The following SCAP variants were observed in gnomAD, a reference collection of about 807,000 sequenced individuals.
SCAP encodes sterol regulatory element-binding protein cleavage-activating protein.
SCAP carries 65 observed loss-of-function variants against 123.6 expected under a neutral mutation model. The observed-to-expected ratio is 0.53, with a 90% CI of 0.43 to 0.65. The LOEUF (loss-of-function observed/expected upper bound fraction) is 0.65, where lower values mean the gene tolerates loss of function less well. Among genes scored for constraint, SCAP ranks in the 30% least tolerant of loss-of-function variants. The pLI is 0.00. For synonymous variants in SCAP, 740 were observed against 726.3 expected, an observed-to-expected ratio of 1.02 and a Z score of -0.30; for missense variants, 1,398 against 1,712.5, an observed-to-expected ratio of 0.82 and a Z score of 3.24.
At position 47,418,779 on chromosome 3, in the gene SCAP, C is replaced by T. The variant is rs1203610870; in HGVS notation, c.2005G>A (p.Gly669Ser). ...CTGCGGCCGTCCTGAGGGTGCCGGC[C>T]CTCCAGAGCCTCCCTCGGGTTCAGG... ...LRLNPREALEGRHPQDGRSAW... is the reference protein window; with the variant it reads ...LRLNPREALESRHPQDGRSAW... Residue 669 changes from glycine (G) to serine (S), a missense_variant, in exon 14 of 23, where the codon GGC becomes AGC. Gly to Ser is a moderately conservative substitution (Grantham distance 56). This residue lies in a region of SCAP where 828 missense variants were observed against 882.5 expected (regional missense o/e 0.94). Transcript: ENST00000265565. 2 of 1,564,374 alleles carry T rather than the reference C, an allele frequency of 1.3e-6. No homozygotes were observed. The highest frequency in any genetic ancestry group is 1.4e-5 in the African/African-American group (1 of 72,686).
At position 47,426,112 on chromosome 3, in the gene SCAP, G is replaced by A. The variant is rs1205150030; in HGVS notation, c.795C>T (p.Ser265=). 6.2e-7 allele frequency: 1 copy of A among 1,614,048 alleles called. No homozygotes were observed. The highest frequency in any genetic ancestry group is 1.6e-4 in the Middle Eastern group (1 of 6,062). The change falls in exon 7 of 23, where the codon AGC becomes AGT. Residue 265 remains serine, a synonymous_variant. Coordinates refer to ENST00000265565, the MANE Select transcript of SCAP (RefSeq NM_012235.4). The part of the protein sequence containing the change: ...LMLLHPSPNC[S]LRAESLVHVH... ...CGTGGACCAGGCTCTCCGCCCGAAG[G>A]CTGCAGTTGGGGCTGGGGTGCAGAA...
At chr3:47,426,419 C>T (rs1706131880) in intron 6 of SCAP, among the ~76,000 whole-genome samples, 1 of 152,058 alleles carries the variant, frequency 6.6e-6, no homozygotes, top group African/African-American at 2.4e-5. Context: ...CCAACACTCT[C>T]TTTTTTATTT....
intron 1 of SCAP, among the ~76,000 whole-genome samples, chr3:47,444,669 C>A (rs930418869): frequency 2.0e-5 from 3 of 151,860 alleles, no homozygotes; most frequent in African/African-American, 7.3e-5. Flanking sequence ...GAGACAGGTT[C>A]TCATTATGTT....
At chr3:47,428,764 G>A (rs1706244939) in intron 3 of SCAP, 94 bp from the exon 4 acceptor site, 7 of 1,360,910 alleles carry the variant, frequency 5.1e-6, no homozygotes, top group East Asian at 2.3e-5. Flanking sequence ...ATTGGAAACC[G>A]TGCCCCACAG....
At chr3:47,465,298 G>C (rs1347802986) in intron 1 of SCAP, among the ~76,000 whole-genome samples, 2 of 151,966 alleles carry the variant, frequency 1.3e-5, no homozygotes, top group Non-Finnish European at 2.9e-5. Flanking sequence ...AGCCTCCTGA[G>C]TAACTGGGAT....
At chr3:47,418,007 G>A in intron 16 of SCAP, 127 bp downstream of exon 16, 1 of 593,784 alleles carries the variant, frequency 1.7e-6, no homozygotes, top group East Asian at 3.2e-5. Context: ...GCGGGGGTGG[G>A]GGGAGAGGGG....
chr3:47,454,972 T>C (rs939469323), intron 1 of SCAP, among the ~76,000 whole-genome samples: 7 of 149,966 alleles, frequency 4.7e-5, no homozygotes, highest in South Asian at 2.1e-4. Context: ...AAAGAAAACA[T>C]AGGTATACAA....
Position 47,427,549 on chromosome 3 carries a change from A to G in SCAP, c.529T>C (p.Phe177Leu), listed in dbSNP as rs778262423. 9 of 1,614,066 alleles carry G rather than the reference A, an allele frequency of 5.6e-6. No individual in the cohort carries two copies. The African/African-American group carries it at 1.1e-4, about 19-fold the overall frequency. ...AAGCGTTCCCAGTCATTCTGCCAGA[A>G]GTTCCCAGGGGACAGCAGCAGGCAT... is the stretch of plus-strand genomic sequence containing the variant. ...HGCLLLSPGN[F>L]WQNDWERFHA... The change falls in exon 5 of 23, where the codon TTC becomes CTC. Residue 177 changes from phenylalanine to leucine, a missense_variant. This residue lies in a region of SCAP where 319 missense variants were observed against 432.4 expected (regional missense o/e 0.74). Coordinates refer to ENST00000265565, the MANE Select transcript of SCAP (RefSeq NM_012235.4).
chr3:47,437,944 C>T (rs535526095), intron 2 of SCAP, among the ~76,000 whole-genome samples: 7 of 152,150 alleles, frequency 4.6e-5, no homozygotes, highest in African/African-American at 1.7e-4. Flanking sequence ...TTTTCCATAG[C>T]GGTTGTACAA....
intron 14 of SCAP, 57 bp from the exon 15 acceptor site, chr3:47,418,579 C>A: frequency 6.5e-7 from 1 of 1,548,544 alleles, no homozygotes; most frequent in South Asian, 1.2e-5. Context: ...CCCTCCCCTC[C>A]TCCCTCTCCC....
At chr3:47,474,522 C>A (rs1352857233) in intron 1 of SCAP, among the ~76,000 whole-genome samples, 1 of 152,028 alleles carries the variant, frequency 6.6e-6, no homozygotes, top group South Asian at 2.1e-4. Context: ...TGGCCGGGCA[C>A]GGTGGTTCAC....
At chr3:47,469,755 C>A in intron 1 of SCAP, 1 of 460,842 alleles carries the variant, frequency 2.2e-6, no homozygotes, top group East Asian at 5.8e-5. Context: ...GATTGTGAGG[C>A]CTCCCCAGCC....
intron 8 of SCAP, 144 bp from the exon 9 acceptor site, chr3:47,424,189 T>G: frequency 1.9e-5 from 12 of 647,612 alleles, no homozygotes; most frequent in South Asian, 7.1e-5. Context: ...CCCTCCCTTG[T>G]CCACCTCACC....
intron 10 of SCAP, among the ~76,000 whole-genome samples, chr3:47,422,054 C>G (rs1446864268): frequency 6.6e-6 from 1 of 152,268 alleles, no homozygotes; most frequent in African/African-American, 2.4e-5. Context: ...TCTAGGAACC[C>G]CACGGTGCTT....
Position 47,420,751 on chromosome 3 carries a change from G to A in SCAP, c.1366C>T (p.Leu456=). The change falls in exon 12 of 23, where the codon CTG becomes TTG. Residue 456 remains leucine (L), a synonymous_variant. Coordinates refer to ENST00000265565, the MANE Select transcript of SCAP (RefSeq NM_012235.4). The surrounding 1 kb of genome is among the most constrained non-coding windows in gnomAD (Gnocchi z 5.0). ...RMELADLNKR[L]PPEACLPSAK... ...GAGGGCAGGCAGGCCTCAGGGGGCA[G>A]TCGCTTGTTCAGGTCTGCTAGCTGT... The A allele has an allele frequency of 6.2e-7, 1 of 1,610,738 alleles. No individual in the cohort carries two copies. The highest frequency in any genetic ancestry group is 8.5e-7 in the Non-Finnish European group (1 of 1,179,916).
chr3:47,422,361 G>T, intron 10 of SCAP, 81 bp downstream of exon 10: 1 of 1,264,128 alleles, frequency 7.9e-7, no homozygotes, highest in African/African-American at 1.5e-5. Context: ...GAAGAGGGGA[G>T]CACCCTGCCC....
At position 47,434,879 on chromosome 3, in the gene SCAP, T is replaced by C. The variant is rs534670160; in HGVS notation, c.252+129A>G. The C allele has an allele frequency of 1.8e-4, 214 of 1,161,292 alleles. 2 individuals carry two copies. The highest frequency in any genetic ancestry group is 1.7e-3 in the South Asian group (126 of 76,360). The allele number at this position is 1,161,292 out of a possible 1,614,324, so 71.9% of individuals were successfully genotyped here. A position where few individuals can be genotyped will look rare whatever the true frequency, so the allele number is the denominator to read the frequency against. ...ACTAAGTATCTATATGGTACACTGA[T>C]AAAGCTGTTAAAGTACATGAATTCA... On this transcript the variant is annotated intron_variant, in intron 3 of 22. Coordinates refer to ENST00000265565, the MANE Select transcript of SCAP (RefSeq NM_012235.4).
Position 47,428,555 on chromosome 3 carries a change from A to T in SCAP, c.368T>A (p.Phe123Tyr). Reference protein sequence around the residue: ...DVFRSPLSRAFQLVEEIRNHV... With the variant: ...DVFRSPLSRAYQLVEEIRNHV... ...GTTCCGGATCTCCTCCACCAGTTGG[A>T]ATGCCCGGGACAAAGGTGAACGAAA... is the stretch of plus-strand genomic sequence containing the variant. The change falls in exon 4 of 23, where the codon TTC (phenylalanine) becomes TAC (tyrosine). Residue 123 changes from phenylalanine to tyrosine, a missense_variant. Physicochemically the swap from Phe to Tyr is conservative, Grantham distance 22. This residue lies in a region of SCAP where 319 missense variants were observed against 432.4 expected (regional missense o/e 0.74). Coordinates refer to ENST00000265565, the MANE Select transcript of SCAP (RefSeq NM_012235.4). The T allele has an allele frequency of 2.5e-6, 4 of 1,614,154 alleles. No homozygotes were observed. The highest frequency in any genetic ancestry group is 3.4e-6 in the Non-Finnish European group (4 of 1,180,024).
intron 2 of SCAP, among the ~76,000 whole-genome samples, chr3:47,436,404 G>A (rs374985943): frequency 7.2e-5 from 11 of 152,276 alleles, no homozygotes; most frequent in African/African-American, 1.9e-4. Context: ...GAGGCCAAGC[G>A]GGCGGATCAT....
Sources: allele counts gnomAD v4.1 joint callset (sites outside exome capture counted in the v4.1 genomes callset), GRCh38; gene constraint gnomAD v4.1.1; regional missense constraint gnomAD v4.1.1; non-coding constraint Gnocchi (gnomAD v3.1); transcripts MANE v1.5; gene names NCBI Gene and HGNC (gene_info 2026-07-23, HGNC 2026-07-21).